SESN1: variants seen among roughly 807,000 people sequenced by gnomAD.
SESN1 encodes sestrin 1.
A neutral mutation model predicts 59.3 loss-of-function variants in SESN1; 30 were observed. The ratio of observed to expected loss-of-function variants is 0.51; its 90% CI spans 0.38 to 0.69. SESN1 has a LOEUF of 0.69. Among genes scored for constraint, SESN1 ranks in the 30% least tolerant of loss-of-function variants. The pLI is 0.00. For synonymous variants in SESN1, 197 were observed against 219.9 expected (o/e 0.90, Z 0.92); for missense variants, 566 against 673.0 (o/e 0.84, Z 1.76).
intron 1 of SESN1, among the ~76,000 whole-genome samples, chr6:109,090,349 T>C (rs1474327324): frequency 6.6e-6 from 1 of 152,132 alleles, no homozygotes; most frequent in Non-Finnish European, 1.5e-5. Flanking sequence ...ACTTGACCCT[T>C]GAACAACAAG....
chr6:108,996,260 G>A (rs1709940175), intron 5 of SESN1, among the ~76,000 whole-genome samples: 3 of 152,150 alleles, frequency 2.0e-5, no homozygotes, highest in African/African-American at 7.2e-5. Context: ...GATCCAAACA[G>A]TTATACTGAA....
chr6:109,070,580 C>T (rs1276134865), intron 1 of SESN1, among the ~76,000 whole-genome samples: 2 of 152,202 alleles, frequency 1.3e-5, no homozygotes, highest in Non-Finnish European at 2.9e-5. Flanking sequence ...AAAACGTATA[C>T]AGTGAAAAGC....
intron 1 of SESN1, chr6:109,008,756 C>T (rs1468977277): frequency 1.0e-6 from 1 of 984,692 alleles, no homozygotes; most frequent in African/African-American, 1.7e-5. Context: ...GTACCTCTTT[C>T]TAAAGGACAA....
At chr6:109,004,309 AT>A (rs1779685863) in intron 1 of SESN1, among the ~76,000 whole-genome samples, 1 of 152,346 alleles carries the variant, frequency 6.6e-6, no homozygotes, top group African/African-American at 2.4e-5. Context: ...AGACTTTCAC[AT>A]GGGAAAAATA....
intron 5 of SESN1, among the ~76,000 whole-genome samples, chr6:108,995,512 A>G (rs952946261): frequency 6.6e-6 from 1 of 152,222 alleles, no homozygotes; most frequent in East Asian, 1.9e-4. Flanking sequence ...AGGACTGGCC[A>G]AGTGGTTTTG....
chr6:109,047,405 C>A (rs1380979965), intron 1 of SESN1, among the ~76,000 whole-genome samples: 2 of 135,768 alleles, frequency 1.5e-5, no homozygotes, highest in Non-Finnish European at 3.3e-5. Context: ...CGCCTCTGCC[C>A]GGCCGCCCCT....
intron 1 of SESN1, among the ~76,000 whole-genome samples, chr6:109,045,846 T>C (rs1780421287): frequency 1.3e-5 from 2 of 152,100 alleles, no homozygotes; most frequent in African/African-American, 4.8e-5. Context: ...GTGTCTGGCA[T>C]GGAATGTTAC....
chr6:108,993,018 A>G, intron 6 of SESN1, 119 bp from the exon 7 acceptor site: 1 of 632,232 alleles, frequency 1.6e-6, no homozygotes, highest in Non-Finnish European at 2.8e-6. Flanking sequence ...AATATCAACC[A>G]AAGTAGTCTT....
intron 1 of SESN1, among the ~76,000 whole-genome samples, chr6:109,042,006 G>C (rs1780350504): frequency 6.6e-6 from 1 of 152,060 alleles, no homozygotes; most frequent in Non-Finnish European, 1.5e-5. Context: ...TGTGTTCTCT[G>C]ATCATAACGA....
chr6:109,065,200 C>T (rs1411955189), intron 1 of SESN1, among the ~76,000 whole-genome samples: 1 of 151,900 alleles, frequency 6.6e-6, no homozygotes, highest in Non-Finnish European at 1.5e-5. Context: ...ATATATTTTC[C>T]TTAACTTTAG....
intron 1 of SESN1, among the ~76,000 whole-genome samples, chr6:109,036,512 G>GT (rs1367573956): frequency 6.6e-6 from 1 of 152,164 alleles, no homozygotes; most frequent in African/African-American, 2.4e-5. Context: ...GGGATCTAGT[G>GT]TTTTTTGTTT....
At chr6:109,007,255 A>C (rs1221512002) in intron 1 of SESN1, among the ~76,000 whole-genome samples, 2 of 152,230 alleles carry the variant, frequency 1.3e-5, no homozygotes, top group East Asian at 1.9e-4. Context: ...TGTATGAATC[A>C]ATGTTTGTGT....
chr6:108,990,033 G>A (rs747242891), intron 8 of SESN1, among the ~76,000 whole-genome samples: 49 of 152,208 alleles, frequency 3.2e-4, no homozygotes, highest in Non-Finnish European at 5.6e-4. Context: ...GTTTTGACCA[G>A]AGTCTCTGAT....
intron 1 of SESN1, among the ~76,000 whole-genome samples, chr6:109,045,990 G>GA (rs1276470343): frequency 6.6e-6 from 1 of 152,170 alleles, no homozygotes; most frequent in Non-Finnish European, 1.5e-5. Context: ...TGCTCTAAAT[G>GA]AAAAACCAAT....
chr6:109,027,919 T>C (rs1372936243), intron 1 of SESN1, among the ~76,000 whole-genome samples: 2 of 152,214 alleles, frequency 1.3e-5, no homozygotes, highest in African/African-American at 2.4e-5. Context: ...TTTTATTGGG[T>C]TGGTTATTTT....
chr6:109,061,078 T>C (rs1562471337), intron 1 of SESN1, among the ~76,000 whole-genome samples: 1 of 152,188 alleles, frequency 6.6e-6, no homozygotes, highest in East Asian at 1.9e-4. Context: ...ATTTTACTTT[T>C]TGAAATATCT....
intron 8 of SESN1, among the ~76,000 whole-genome samples, chr6:108,989,581 ATAT>A (rs1235279418): frequency 3.3e-5 from 5 of 151,368 alleles, no homozygotes; most frequent in Admixed American, 6.6e-5. Context: ...AGATATCTAT[ATAT>A]AGAGAGAGAT....
intron 1 of SESN1, among the ~76,000 whole-genome samples, chr6:109,012,945 C>A (rs1779883861): frequency 6.6e-6 from 1 of 151,110 alleles, no homozygotes; most frequent in Non-Finnish European, 1.5e-5. Flanking sequence ...GAAACCCCGT[C>A]TCTACTGAAA....
intron 1 of SESN1, among the ~76,000 whole-genome samples, chr6:109,055,378 G>A (rs1228494309): frequency 1.3e-5 from 2 of 152,036 alleles, no homozygotes; most frequent in African/African-American, 2.4e-5. Flanking sequence ...TAAACAGAAT[G>A]GTGGCTGGGT....
Sources: allele counts gnomAD v4.1 joint callset (sites outside exome capture counted in the v4.1 genomes callset), GRCh38; gene constraint gnomAD v4.1.1; transcripts MANE v1.5; gene names NCBI Gene and HGNC (gene_info 2026-07-23, HGNC 2026-07-21).